The following IL1RAPL1 variants were observed in gnomAD, a reference collection of about 807,000 sequenced individuals.
IL1RAPL1 encodes interleukin-1 receptor accessory protein-like 1.
IL1RAPL1 carries 3 observed loss-of-function variants against 48.4 expected under a neutral mutation model. That is an observed-to-expected ratio of 0.06 (90% confidence interval 0.03 to 0.16). The LOEUF is 0.16. Among genes scored for constraint, IL1RAPL1 ranks in the 10% least tolerant of loss-of-function variants. IL1RAPL1 has a pLI of 1.00. For missense variants in IL1RAPL1, 349 were observed against 530.6 expected, an observed-to-expected ratio of 0.66 and a Z score of 3.36; for synonymous variants, 185 against 187.7, an observed-to-expected ratio of 0.99 and a Z score of 0.12.
intron 2 of IL1RAPL1, among the ~76,000 whole-genome samples, chrX:28,898,025 T>G (rs979509236): frequency 1.8e-5 from 2 of 111,318 alleles, no homozygotes; most frequent in African/African-American, 3.3e-5. Context: ...ACTTCTTTTG[T>G]GGTGGAATGT....
At chrX:28,883,483 T>G (rs971413385) in intron 2 of IL1RAPL1, among the ~76,000 whole-genome samples, 2 of 111,971 alleles carry the variant, frequency 1.8e-5, no homozygotes, top group African/African-American at 6.5e-5. Flanking sequence ...TAACTTAAAT[T>G]TAAATAGTCA....
rs1337006031 is a variant in IL1RAPL1, at chrX:29,466,483, A to G, written c.703+67175A>G. 2.7e-5 allele frequency among the ~76,000 whole-genome samples: 3 copies of G among 112,323 alleles called. No homozygotes were observed. The East Asian group carries it at 8.3e-4, about 31-fold the overall frequency. ...TAAATCTATTGGCAGCATAAGCTGA[A>G]ATCATGGGACTGAAACTTATGACTT... is the stretch of plus-strand genomic sequence containing the variant. On this transcript the variant is annotated intron_variant, in intron 5 of 10. Coordinates refer to ENST00000378993, the MANE Select transcript of IL1RAPL1 (RefSeq NM_014271.4).
chrX:28,879,255 T>C (rs1922449035), intron 2 of IL1RAPL1, among the ~76,000 whole-genome samples: 1 of 111,351 alleles, frequency 9.0e-6, no homozygotes, highest in African/African-American at 3.3e-5. Flanking sequence ...TGCTTAACAG[T>C]TAGAATCTAT....
At chrX:29,626,661 A>G (rs1924624260) in intron 5 of IL1RAPL1, among the ~76,000 whole-genome samples, 1 of 112,236 alleles carries the variant, frequency 8.9e-6, no homozygotes, top group Admixed American at 9.5e-5. Flanking sequence ...AGAAGGAAGA[A>G]TGAAACACAC....
intron 6 of IL1RAPL1, among the ~76,000 whole-genome samples, chrX:29,697,158 G>T (rs1052028834): frequency 9.0e-6 from 1 of 111,615 alleles, no homozygotes; most frequent in African/African-American, 3.3e-5. Flanking sequence ...GGAGATAAAC[G>T]ATCTGGCTTT....
chrX:29,622,934 G>T (rs1351054133), intron 5 of IL1RAPL1, among the ~76,000 whole-genome samples: 1 of 110,066 alleles, frequency 9.1e-6, no homozygotes, highest in Non-Finnish European at 1.9e-5. Context: ...GAGTATATAA[G>T]CATATTCATA....
intron 2 of IL1RAPL1, among the ~76,000 whole-genome samples, chrX:29,185,872 T>C (rs1930241874): frequency 9.0e-6 from 1 of 110,593 alleles, no homozygotes; most frequent in Non-Finnish European, 1.9e-5. Context: ...CATTTAAGCA[T>C]TTAAGAATGG....
chrX:28,624,924 T>C lies in IL1RAPL1; in HGVS notation c.-25+36877T>C, dbSNP rs185810581. ...TTTAGGATAATTATGTCACCATAAG[T>C]GAATTAAGGTTCCTCACCTTCTCCA... On this transcript the variant is annotated intron_variant, in intron 1 of 10. Transcript: ENST00000378993. 2.7e-3 allele frequency among the ~76,000 whole-genome samples: 305 copies of C among 111,955 alleles called. 2 individuals carry two copies. Among genetic ancestry groups the C allele is most frequent in the African/African-American group, 9.6e-3 (295 of 30,833 alleles).
chrX:29,159,756 C>T (rs1003955009), intron 2 of IL1RAPL1, among the ~76,000 whole-genome samples: 2 of 111,529 alleles, frequency 1.8e-5, no homozygotes, highest in Admixed American at 9.6e-5. Context: ...GACAAAGTTT[C>T]GCTCTTGTTG....
chrX:29,851,324 G>A (rs1569185492), intron 6 of IL1RAPL1, among the ~76,000 whole-genome samples: 1 of 111,240 alleles, frequency 9.0e-6, no homozygotes, highest in Non-Finnish European at 1.9e-5. Context: ...TCCAAGTTGT[G>A]GCTGGATACC....
chrX:29,551,056 T>C (rs1409608182), intron 5 of IL1RAPL1, among the ~76,000 whole-genome samples: 1 of 112,482 alleles, frequency 8.9e-6, no homozygotes, highest in Non-Finnish European at 1.9e-5. Flanking sequence ...ACAAGTGGAA[T>C]TATACACTAT....
intron 3 of IL1RAPL1, among the ~76,000 whole-genome samples, chrX:29,381,201 T>A (rs1052333629): frequency 1.8e-5 from 2 of 110,104 alleles, no homozygotes; most frequent in African/African-American, 6.6e-5. Flanking sequence ...AATAGCTTTG[T>A]GTAAAATCTC....
chrX:28,895,230 A>G (rs61358169), intron 2 of IL1RAPL1, among the ~76,000 whole-genome samples: 246 of 111,005 alleles, frequency 2.2e-3, no homozygotes, highest in African/African-American at 7.2e-3. Flanking sequence ...ACTAACCTGT[A>G]AGGCTTGTCT....
At chrX:29,889,656 G>A (rs1004921420) in intron 6 of IL1RAPL1, among the ~76,000 whole-genome samples, 3 of 111,229 alleles carry the variant, frequency 2.7e-5, no homozygotes, top group African/African-American at 9.8e-5. Flanking sequence ...GTATATGTGC[G>A]TATTTCTATA....
At chrX:29,332,941 T>C (rs1346736052) in intron 3 of IL1RAPL1, among the ~76,000 whole-genome samples, 29 of 110,080 alleles carry the variant, frequency 2.6e-4, no homozygotes, top group Non-Finnish European at 5.2e-4. Flanking sequence ...ACAGCACATG[T>C]TTCAGAGAGC....
At chrX:28,849,274 A>G (rs1028870705) in intron 2 of IL1RAPL1, among the ~76,000 whole-genome samples, 7 of 111,781 alleles carry the variant, frequency 6.3e-5, no homozygotes, top group African/African-American at 1.9e-4. Flanking sequence ...TGAATTAATT[A>G]TATTTTCATC....
intron 5 of IL1RAPL1, among the ~76,000 whole-genome samples, chrX:29,465,013 C>T (rs1395483431): frequency 8.9e-6 from 1 of 111,866 alleles, no homozygotes; most frequent in African/African-American, 3.3e-5. Flanking sequence ...GTACACCAAA[C>T]ACCTGTGACA....
chrX:29,937,202 G>A (rs1274416320), intron 8 of IL1RAPL1, among the ~76,000 whole-genome samples: 1 of 111,960 alleles, frequency 8.9e-6, no homozygotes, highest in Admixed American at 9.5e-5. Context: ...AATACACAAA[G>A]GCTAAACAGA....
At chrX:29,431,245 T>C (rs1934419488) in intron 5 of IL1RAPL1, among the ~76,000 whole-genome samples, 1 of 112,116 alleles carries the variant, frequency 8.9e-6, no homozygotes, top group Non-Finnish European at 1.9e-5. Flanking sequence ...GTGCTCTACC[T>C]CAGTAATTCT....
Sources: allele counts gnomAD v4.1 joint callset (sites outside exome capture counted in the v4.1 genomes callset), GRCh38; gene constraint gnomAD v4.1.1; transcripts MANE v1.5; gene names NCBI Gene and HGNC (gene_info 2026-07-23, HGNC 2026-07-21).